The following NR2F1-AS1 variants were observed in gnomAD, a reference collection of about 807,000 sequenced individuals.
The protein encoded by NR2F1-AS1 is NR2F1 regulatory antisense RNA 1.
At chr5:93,573,240 C>T (rs147062791) in intron 1 of NR2F1-AS1, among the ~76,000 whole-genome samples, 342 of 152,352 alleles carry the variant, frequency 2.2e-3, no homozygotes, top group Middle Eastern at 0.014. Flanking sequence ...CCCCGACACA[C>T]CCCACTTTCT....
At chr5:93,528,488 T>C in intron 4 of NR2F1-AS1, among the ~76,000 whole-genome samples, 1 of 152,206 alleles carries the variant, frequency 6.6e-6, no homozygotes, top group Non-Finnish European at 1.5e-5. Context: ...GAAGACAGTG[T>C]GGTGATTCCT....
At chr5:93,489,982 C>A (rs1750802468) in intron 4 of NR2F1-AS1, among the ~76,000 whole-genome samples, 1 of 152,186 alleles carries the variant, frequency 6.6e-6, no homozygotes, top group East Asian at 1.9e-4. Context: ...TCAGTCAATC[C>A]ATGTGACTTC....
chr5:93,500,416 C>T (rs923551750), intron 4 of NR2F1-AS1, among the ~76,000 whole-genome samples: 1 of 151,934 alleles, frequency 6.6e-6, no homozygotes, highest in African/African-American at 2.4e-5. Flanking sequence ...CATCTGTTTA[C>T]TGCATGTTTT....
intron 4 of NR2F1-AS1, among the ~76,000 whole-genome samples, chr5:93,507,332 TTTGTTTTGTTTTG>T (rs1407308657): frequency 8.8e-4 from 8 of 9,054 alleles, no homozygotes; most frequent in East Asian, 0.028. Flanking sequence ...TGGGGTTTTT[TTTGTTTTGTTTTG>T]TTTTGTTTTG....
At chr5:93,529,517 C>T (rs1028238556) in intron 4 of NR2F1-AS1, among the ~76,000 whole-genome samples, 6 of 152,102 alleles carry the variant, frequency 3.9e-5, no homozygotes, top group Non-Finnish European at 8.8e-5. Context: ...CTAGAAAGTA[C>T]CTGCAACTCT....
intron 4 of NR2F1-AS1, among the ~76,000 whole-genome samples, chr5:93,549,593 C>T (rs966028037): frequency 3.3e-5 from 5 of 152,208 alleles, no homozygotes; most frequent in Middle Eastern, 3.4e-3. Flanking sequence ...CATAATGACA[C>T]ACAGTTCAGG....
At chr5:93,435,379 T>G (rs138245310) in intron 4 of NR2F1-AS1, among the ~76,000 whole-genome samples, 2 of 152,206 alleles carry the variant, frequency 1.3e-5, no homozygotes, top group Admixed American at 1.3e-4. Context: ...CCCATCATAA[T>G]TGGAGCTGTA....
At chr5:93,423,508 C>T (rs1749134066) in intron 4 of NR2F1-AS1, among the ~76,000 whole-genome samples, 1 of 152,154 alleles carries the variant, frequency 6.6e-6, no homozygotes, top group African/African-American at 2.4e-5. Context: ...GCATTATTTC[C>T]TGAATACAGA....
chr5:93,482,971 C>T (rs967950501), intron 4 of NR2F1-AS1, among the ~76,000 whole-genome samples: 1 of 152,172 alleles, frequency 6.6e-6, no homozygotes, highest in Admixed American at 6.5e-5. Context: ...TATCAAACTC[C>T]CATCTCGCTG....
At chr5:93,542,931 G>A (rs1206349137) in intron 4 of NR2F1-AS1, 1 of 152,362 alleles carries the variant, frequency 6.6e-6, no homozygotes, top group East Asian at 1.9e-4. Flanking sequence ...GGACTTCCAT[G>A]AAGGTTGTCT....
intron 4 of NR2F1-AS1, among the ~76,000 whole-genome samples, chr5:93,491,159 G>T (rs1459220749): frequency 6.6e-6 from 1 of 151,602 alleles, no homozygotes; most frequent in Non-Finnish European, 1.5e-5. Flanking sequence ...GTTTATGGTG[G>T]TTGTGGTTAT....
At chr5:93,412,149 A>T (rs1190381294) in intron 4 of NR2F1-AS1, among the ~76,000 whole-genome samples, 1 of 152,208 alleles carries the variant, frequency 6.6e-6, no homozygotes, top group Admixed American at 6.5e-5. Flanking sequence ...CATCTTTACA[A>T]GAAACATTTC....
At chr5:93,575,909 C>A (rs1752884279) in intron 1 of NR2F1-AS1, among the ~76,000 whole-genome samples, 1 of 152,154 alleles carries the variant, frequency 6.6e-6, no homozygotes, top group Non-Finnish European at 1.5e-5. Flanking sequence ...GAAATATTGA[C>A]ATATATATCC....
At chr5:93,570,020 T>A (rs1390102099) in intron 1 of NR2F1-AS1, 1 of 152,164 alleles carries the variant, frequency 6.6e-6, no homozygotes, top group African/African-American at 2.4e-5. Context: ...AAGATCCCAT[T>A]CAGCGGGCTG....
chr5:93,544,148 T>C (rs1038854957), intron 4 of NR2F1-AS1: 1 of 152,120 alleles, frequency 6.6e-6, no homozygotes, highest in Non-Finnish European at 1.5e-5. Context: ...AAAGTTAATT[T>C]AAAACTAAAG....
intron 4 of NR2F1-AS1, among the ~76,000 whole-genome samples, chr5:93,477,833 G>A (rs1195057208): frequency 6.6e-6 from 1 of 152,178 alleles, no homozygotes; most frequent in Non-Finnish European, 1.5e-5. Flanking sequence ...CTGAAGTCTA[G>A]TGAATTTCCA....
At chr5:93,508,426 C>T (rs1232311922) in intron 4 of NR2F1-AS1, among the ~76,000 whole-genome samples, 3 of 151,612 alleles carry the variant, frequency 2.0e-5, no homozygotes, top group African/African-American at 4.8e-5. Context: ...TAGTTACATA[C>T]GGAAAAAAAA....
At chr5:93,443,270 G>A (rs1469693271) in intron 4 of NR2F1-AS1, among the ~76,000 whole-genome samples, 1 of 152,046 alleles carries the variant, frequency 6.6e-6, no homozygotes, top group Admixed American at 6.6e-5. Flanking sequence ...TATGATGTTT[G>A]AACCCATCAC....
chr5:93,533,419 C>T (rs912252363), intron 4 of NR2F1-AS1, among the ~76,000 whole-genome samples: 2 of 152,086 alleles, frequency 1.3e-5, no homozygotes, highest in African/African-American at 4.8e-5. Context: ...AATATCTACT[C>T]TCTGAAATAA....
Sources: gnomAD v4.1 joint callset for allele counts (sites outside exome capture counted in the v4.1 genomes callset) on GRCh38, gnomAD v4.1.1 for gene constraint, MANE v1.5 for transcripts, NCBI Gene and HGNC (gene_info 2026-07-23, HGNC 2026-07-21) for gene names.